NYAP2: variants seen among roughly 807,000 people sequenced by gnomAD.
NYAP2 encodes the protein neuronal tyrosine-phosphorylated phosphoinositide-3-kinase adaptor 2, also known as neuronal tyrosine-phosphorylated phosphoinositide-3-kinase adapter 2.
NYAP2 carries 23 observed loss-of-function variants against 50.4 expected under a neutral mutation model. The ratio of observed to expected loss-of-function variants is 0.46; its 90% confidence interval spans 0.33 to 0.65. The LOEUF is 0.65. NYAP2 is among the 30% of genes least tolerant of loss of function. The pLI is 0.02. For synonymous variants in NYAP2, 394 were observed against 365.2 expected, an observed-to-expected ratio of 1.08 and a Z score of -0.90; for missense variants, 885 against 861.0, an observed-to-expected ratio of 1.03 and a Z score of -0.35.
At chr2:225,446,467 A>C (rs1689567694) in intron 3 of NYAP2, among the ~76,000 whole-genome samples, 2 of 151,856 alleles carry the variant, frequency 1.3e-5, no homozygotes, top group African/African-American at 4.8e-5. Context: ...CCCAAAAACC[A>C]ATTGCATTAC....
intron 3 of NYAP2, among the ~76,000 whole-genome samples, chr2:225,422,878 A>G (rs1194894645): frequency 2.6e-5 from 4 of 152,162 alleles, no homozygotes; most frequent in Non-Finnish European, 5.9e-5. Context: ...GATAGATACT[A>G]TGACTAGTAT....
exon 1 of NYAP2, chr2:225,399,811 G>T (rs745322564): frequency 6.6e-5 from 10 of 152,018 alleles, no homozygotes; most frequent in Non-Finnish European, 1.2e-4. Flanking sequence ...TTAAGTTGTT[G>T]TTCATTTTCA....
At chr2:225,682,194 T>TC in the NYAP2 span, among the ~76,000 whole-genome samples, 678 of 152,252 alleles carry the variant, frequency 4.5e-3, 9 homozygotes, top group African/African-American at 0.015. Context: ...AAGAAGATAT[T>TC]CCAAGAAAAA....
At chr2:225,555,399 T>C (rs1029361094) in intron 4 of NYAP2, among the ~76,000 whole-genome samples, 1 of 152,220 alleles carries the variant, frequency 6.6e-6, no homozygotes, top group South Asian at 2.1e-4. Flanking sequence ...CTCCTAAGAC[T>C]GTTTTTTTTA....
At chr2:225,558,505 G>A (rs1691814809) in intron 4 of NYAP2, among the ~76,000 whole-genome samples, 1 of 152,018 alleles carries the variant, frequency 6.6e-6, no homozygotes, top group Admixed American at 6.6e-5. Context: ...TTCTCATGTC[G>A]CATCTTGCTC....
intron 4 of NYAP2, among the ~76,000 whole-genome samples, chr2:225,579,562 C>T (rs1692234938): frequency 6.6e-6 from 1 of 152,182 alleles, no homozygotes; most frequent in African/African-American, 2.4e-5. Flanking sequence ...ATGGCATTTG[C>T]TCACAATTGG....
At chr2:225,466,852 A>AATTC (rs1222807303) in intron 3 of NYAP2, among the ~76,000 whole-genome samples, 1 of 152,204 alleles carries the variant, frequency 6.6e-6, no homozygotes, top group Non-Finnish European at 1.5e-5. Flanking sequence ...CAGAAGAAAG[A>AATTC]ATTCAGCTGA....
Position 225,582,906 on chromosome 2 carries a change from G to A in NYAP2, c.1489G>A (p.Ala497Thr). 1 of 1,613,248 alleles carries A rather than the reference G, an allele frequency of 6.2e-7. No homozygotes were observed. Residue 497 changes from alanine (A) to threonine (T), a missense_variant, in exon 5 of 7, where the codon GCA becomes ACA. Coordinates refer to ENST00000636099, the Ensembl canonical transcript of NYAP2. This position sits in a 1 kb window ranked among gnomAD's most constrained non-coding sequence, Gnocchi z 7.0. ...CAACGCCGCGGTGAACACCTACGGG[G>A]CAGCCCCGGGTGGCTCCCGGTCCCG...
intron 5 of NYAP2, among the ~76,000 whole-genome samples, chr2:225,596,589 A>G (rs1160170686): frequency 1.3e-5 from 2 of 152,148 alleles, no homozygotes; most frequent in African/African-American, 4.8e-5. Flanking sequence ...ATATTTGTAG[A>G]TTTATTGATT....
intron 3 of NYAP2, among the ~76,000 whole-genome samples, chr2:225,446,246 C>CTATA (rs58633886): frequency 1.2e-4 from 10 of 82,264 alleles, no homozygotes; most frequent in East Asian, 1.1e-3. Context: ...CTCTCTCTCT[C>CTATA]TATATATATA....
intron 3 of NYAP2, among the ~76,000 whole-genome samples, chr2:225,496,834 T>C (rs902578586): frequency 2.0e-5 from 3 of 152,196 alleles, no homozygotes; most frequent in Non-Finnish European, 4.4e-5. Context: ...ACTGGCTCAT[T>C]GTGCTGTTGT....
At chr2:225,667,536 C>A in the NYAP2 span, among the ~76,000 whole-genome samples, 3 of 152,088 alleles carry the variant, frequency 2.0e-5, no homozygotes, top group South Asian at 2.1e-4. Context: ...ATTATTACTC[C>A]CATTTTGAGG....
the NYAP2 span, chr2:225,700,663 G>T: frequency 6.6e-6 from 1 of 151,716 alleles, no homozygotes; most frequent in African/African-American, 2.4e-5. Context: ...TCAGACACAA[G>T]ATACTAATTC....
chr2:225,556,114 A>C (rs1691772670), intron 4 of NYAP2, among the ~76,000 whole-genome samples: 1 of 152,000 alleles, frequency 6.6e-6, no homozygotes, highest in Non-Finnish European at 1.5e-5. Context: ...AGAACCTCTG[A>C]CTCTCTGTTC....
At chr2:225,680,992 C>A in the NYAP2 span, among the ~76,000 whole-genome samples, 3 of 152,218 alleles carry the variant, frequency 2.0e-5, no homozygotes, top group Non-Finnish European at 4.4e-5. Context: ...TATATTTCCT[C>A]ACACTCTGTG....
chr2:225,541,612 T>C (rs7567516), intron 4 of NYAP2, among the ~76,000 whole-genome samples: 32,584 of 152,088 alleles, frequency 0.21, 3,486 homozygotes, highest in African/African-American at 0.23. Flanking sequence ...GATATATGAA[T>C]TTGTTTCTAG....
the NYAP2 span, among the ~76,000 whole-genome samples, chr2:225,661,078 G>C: frequency 6.6e-6 from 1 of 152,116 alleles, no homozygotes; most frequent in Non-Finnish European, 1.5e-5. Flanking sequence ...AGCATGACTG[G>C]TTAAATGGAA....
chr2:225,535,687 G>T (rs1243856137), intron 4 of NYAP2, among the ~76,000 whole-genome samples: 1 of 152,172 alleles, frequency 6.6e-6, no homozygotes, highest in African/African-American at 2.4e-5. Context: ...GAGTATAGAC[G>T]TACAGGGGTC....
intron 4 of NYAP2, among the ~76,000 whole-genome samples, chr2:225,534,593 A>T (rs1691314592): frequency 6.6e-6 from 1 of 152,240 alleles, no homozygotes; most frequent in African/African-American, 2.4e-5. Flanking sequence ...AGCAAGGTAA[A>T]GAGATGCAGA....
Sources: allele counts gnomAD v4.1 joint callset (sites outside exome capture counted in the v4.1 genomes callset), GRCh38; gene constraint gnomAD v4.1.1; non-coding constraint Gnocchi (gnomAD v3.1); transcripts MANE v1.5; gene names NCBI Gene and HGNC (gene_info 2026-07-23, HGNC 2026-07-21).